SUMF1: variants seen among roughly 807,000 people sequenced by gnomAD.
SUMF1 encodes the protein sulfatase modifying factor 1.
In SUMF1, 48 loss-of-function variants were observed where a neutral mutation model predicts 47.6. The ratio of observed to expected loss-of-function variants is 1.01; its 90% CI spans 0.80 to 1.28. The LOEUF is 1.28. SUMF1 is among the 50% of genes most tolerant of loss of function. The pLI is 0.00. For missense variants in SUMF1, 571 were observed against 485.4 expected (o/e 1.18, Z -1.66); for synonymous variants, 230 against 192.1 (o/e 1.20, Z -1.63).
intron 8 of SUMF1, among the ~76,000 whole-genome samples, chr3:4,173,104 T>C (rs549647441): frequency 9.2e-4 from 140 of 152,286 alleles, no homozygotes; most frequent in South Asian, 1.7e-3. Flanking sequence ...ATTTATTAAA[T>C]AGGGAATCAT....
At chr3:4,314,005 T>C (rs1430077437) in intron 8 of SUMF1, 2 of 648,934 alleles carry the variant, frequency 3.1e-6, no homozygotes, top group Non-Finnish European at 5.0e-6. Context: ...TAATAGGATA[T>C]AAGCAAAAAT....
intron 7 of SUMF1, among the ~76,000 whole-genome samples, chr3:4,397,276 C>T (rs571851681): frequency 6.6e-6 from 1 of 152,286 alleles, no homozygotes; most frequent in South Asian, 2.1e-4. Context: ...CAACTAAAAC[C>T]AAACCACCAC....
At chr3:4,128,582 C>A (rs1251208207) in intron 8 of SUMF1, among the ~76,000 whole-genome samples, 3 of 152,086 alleles carry the variant, frequency 2.0e-5, no homozygotes, top group Non-Finnish European at 2.9e-5. Context: ...CCACAACAGC[C>A]CTGTTTGCTT....
chr3:4,128,206 G>T (rs760626901), intron 8 of SUMF1, among the ~76,000 whole-genome samples: 2 of 152,112 alleles, frequency 1.3e-5, no homozygotes, highest in Non-Finnish European at 2.9e-5. Flanking sequence ...AAACAGACAG[G>T]AGCTCTTATC....
intron 3 of SUMF1, among the ~76,000 whole-genome samples, chr3:4,423,378 T>C (rs1441979702): frequency 6.6e-6 from 1 of 151,934 alleles, no homozygotes; most frequent in Non-Finnish European, 1.5e-5. Flanking sequence ...CTGGATGGGA[T>C]TGGAGCCTAC....
At chr3:4,085,543 A>C (rs1318593751) in intron 8 of SUMF1, among the ~76,000 whole-genome samples, 2 of 152,110 alleles carry the variant, frequency 1.3e-5, no homozygotes, top group African/African-American at 2.4e-5. Context: ...ATGTCTTGTT[A>C]AATTGTGAAT....
intron 8 of SUMF1, among the ~76,000 whole-genome samples, chr3:4,136,213 T>C (rs1229819820): frequency 6.6e-6 from 1 of 152,184 alleles, no homozygotes; most frequent in Non-Finnish European, 1.5e-5. Context: ...TCATGCTACC[T>C]GACTTCATAC....
chr3:4,134,509 G>C (rs1380346373), intron 8 of SUMF1, among the ~76,000 whole-genome samples: 1 of 152,074 alleles, frequency 6.6e-6, no homozygotes, highest in Non-Finnish European at 1.5e-5. Context: ...GCCCACAAGA[G>C]AAAGCAGGAA....
chr3:4,383,564 G>A (rs893983345), intron 7 of SUMF1, among the ~76,000 whole-genome samples: 1 of 152,186 alleles, frequency 6.6e-6, no homozygotes, highest in Non-Finnish European at 1.5e-5. Context: ...TTTGAAGGAT[G>A]TTTGTGTAAC....
At chr3:4,121,962 T>C (rs916759388) in intron 8 of SUMF1, among the ~76,000 whole-genome samples, 4 of 152,120 alleles carry the variant, frequency 2.6e-5, no homozygotes, top group Admixed American at 6.6e-5. Flanking sequence ...TGAGAACATG[T>C]GGTATTTGTT....
intron 8 of SUMF1, among the ~76,000 whole-genome samples, chr3:4,239,694 T>C (rs991292849): frequency 1.3e-5 from 2 of 152,192 alleles, no homozygotes; most frequent in East Asian, 1.9e-4. Context: ...GTTTTGTAAA[T>C]ATACAATCAT....
intron 9 of SUMF1, among the ~76,000 whole-genome samples, chr3:4,053,691 T>C (rs1695150669): frequency 6.6e-6 from 1 of 152,090 alleles, no homozygotes; most frequent in Non-Finnish European, 1.5e-5. Context: ...AATAGGGTCA[T>C]AAGGTTTTTG....
At chr3:4,132,033 A>C (rs899344696) in intron 8 of SUMF1, among the ~76,000 whole-genome samples, 5 of 152,128 alleles carry the variant, frequency 3.3e-5, no homozygotes, top group Admixed American at 6.6e-5. Context: ...ATATGGCACC[A>C]TTCCTCAGGG....
At chr3:4,173,343 C>G (rs1363763396) in intron 8 of SUMF1, among the ~76,000 whole-genome samples, 2 of 152,070 alleles carry the variant, frequency 1.3e-5, no homozygotes, top group African/African-American at 4.8e-5. Flanking sequence ...CCATCTCATG[C>G]CAGTTAGAAT....
intron 8 of SUMF1, chr3:4,317,565 C>G (rs181479666): frequency 5.8e-6 from 1 of 172,910 alleles, no homozygotes; most frequent in African/African-American, 2.4e-5. Flanking sequence ...CCTTGAAAAG[C>G]ATTTTGGCCC....
At chr3:4,324,758 T>C (rs1283029156) in intron 8 of SUMF1, among the ~76,000 whole-genome samples, 2 of 152,164 alleles carry the variant, frequency 1.3e-5, no homozygotes, top group African/African-American at 2.4e-5. Flanking sequence ...AAATACAGTA[T>C]TGATCGATTA....
chr3:4,373,162 GAGAGA>G (rs1700218580), intron 8 of SUMF1, among the ~76,000 whole-genome samples: 1 of 151,606 alleles, frequency 6.6e-6, no homozygotes, highest in Non-Finnish European at 1.5e-5. Flanking sequence ...TAAGCATAAG[GAGAGA>G]AAATGGGGTG....
chr3:4,203,747 A>G (rs976746494), intron 8 of SUMF1, among the ~76,000 whole-genome samples: 2 of 150,986 alleles, frequency 1.3e-5, no homozygotes, highest in South Asian at 2.1e-4. Context: ...CATTTTTAGT[A>G]TATCTGTTGT....
downstream of SUMF1, among the ~76,000 whole-genome samples, chr3:4,359,931 C>A (rs1246124226): frequency 1.3e-5 from 2 of 152,080 alleles, 1 homozygote; most frequent in Admixed American, 1.3e-4. Flanking sequence ...TATGAGCCAC[C>A]GTCCCCAACT....
Sources: gnomAD v4.1 joint callset for allele counts (sites outside exome capture counted in the v4.1 genomes callset) on GRCh38, gnomAD v4.1.1 for gene constraint, MANE v1.5 for transcripts, NCBI Gene and HGNC (gene_info 2026-07-23, HGNC 2026-07-21) for gene names.